KIAA1328: variants seen among roughly 807,000 people sequenced by gnomAD.
KIAA1328 encodes the protein protein hinderin.
KIAA1328 carries 52 observed loss-of-function variants against 68.1 expected under a neutral mutation model. The ratio of observed to expected loss-of-function variants is 0.76; its 90% CI spans 0.61 to 0.96. The LOEUF is 0.96. KIAA1328 is among the 40% of genes least tolerant of loss of function. The pLI is 0.00. For synonymous variants in KIAA1328, 232 were observed against 239.4 expected, an observed-to-expected ratio of 0.97 and a Z score of 0.28; for missense variants, 641 against 677.6, an observed-to-expected ratio of 0.95 and a Z score of 0.60.
intron 6 of KIAA1328, among the ~76,000 whole-genome samples, chr18:36,964,887 ACTT>A (rs970412288): frequency 6.8e-6 from 1 of 146,890 alleles, no homozygotes; most frequent in Admixed American, 6.9e-5. Context: ...GGAGTGTGTT[ACTT>A]CTTTTTTTTT....
At chr18:36,835,436 A>G (rs2046642219) in intron 3 of KIAA1328, 60 bp downstream of exon 3, 2 of 1,469,452 alleles carry the variant, frequency 1.4e-6, no homozygotes, top group Non-Finnish European at 1.8e-6. Context: ...GTGCTGACCA[A>G]AAAGGGTAGA....
chr18:36,944,708 C>G (rs542928232), intron 5 of KIAA1328, among the ~76,000 whole-genome samples: 1 of 152,208 alleles, frequency 6.6e-6, no homozygotes, highest in East Asian at 1.9e-4. Context: ...AAGGAGCAAT[C>G]AGTAAGGAAG....
intron 9 of KIAA1328, among the ~76,000 whole-genome samples, chr18:37,221,614 G>A (rs563178080): frequency 2.1e-4 from 32 of 152,298 alleles, no homozygotes; most frequent in Admixed American, 3.3e-4. Flanking sequence ...ATGGAGATGA[G>A]AGTAGTATAG....
chr18:37,199,339 C>T (rs2060063957), intron 9 of KIAA1328, among the ~76,000 whole-genome samples: 1 of 152,170 alleles, frequency 6.6e-6, no homozygotes, highest in East Asian at 1.9e-4. Context: ...CAAGTGAGAA[C>T]ATGAAGAATT....
chr18:36,973,882 G>A lies in KIAA1328; in HGVS notation c.576+14447G>A, dbSNP rs1021870718. On this transcript the variant is annotated intron_variant, in intron 6 of 9. Coordinates refer to ENST00000280020, the MANE Select transcript of KIAA1328 (RefSeq NM_020776.3). ...ATCTTCAAAAATTCTATTTTTCAGT[G>A]TAATCTAGACCTTAATACCTGGTTA... Among the ~76,000 whole-genome samples, 4 of 148,492 alleles carry A rather than the reference G, an allele frequency of 2.7e-5. No individual in the cohort carries two copies. The East Asian group carries it at 5.9e-4, about 22-fold the overall frequency.
intron 4 of KIAA1328, among the ~76,000 whole-genome samples, chr18:36,844,870 T>G (rs921037424): frequency 6.6e-6 from 1 of 151,782 alleles, no homozygotes; most frequent in Non-Finnish European, 1.5e-5. Context: ...AGGTACTTAA[T>G]AAATGAAAGT....
intron 7 of KIAA1328, among the ~76,000 whole-genome samples, chr18:37,126,174 G>T (rs1226922158): frequency 1.3e-5 from 2 of 152,092 alleles, no homozygotes; most frequent in Admixed American, 1.3e-4. Context: ...TGTATATAAG[G>T]TATATGTGAA....
At position 37,142,252 on chromosome 18, in the gene KIAA1328, C is replaced by T. The variant is rs866016535; in HGVS notation, c.1233-17948C>T. Among the ~76,000 whole-genome samples, 35 of 152,158 alleles carry T rather than the reference C, an allele frequency of 2.3e-4. No homozygotes were observed. The Middle Eastern group carries it at 0.017, about 74-fold the overall frequency. On this transcript the variant is annotated intron_variant, in intron 7 of 9. Transcript: ENST00000280020. The stretch of plus-strand genomic sequence containing the variant: ...CGTCACCCAGGCCGGATTGCAGTGG[C>T]GTGATCTTGGCTTACTGCATCCTCC...
chr18:36,952,802 T>G (rs1309177039), intron 5 of KIAA1328, among the ~76,000 whole-genome samples: 1 of 152,110 alleles, frequency 6.6e-6, no homozygotes, highest in Non-Finnish European at 1.5e-5. Context: ...GGTTAGTATA[T>G]GATCAGATCA....
rs191393105 is a variant in KIAA1328, at chr18:36,858,659, C to G, written c.332+14357C>G. 2.0e-5 allele frequency among the ~76,000 whole-genome samples: 3 copies of G among 152,194 alleles called. No homozygotes were observed. The East Asian group carries it at 5.8e-4, about 29-fold the overall frequency. ...ATCTTCCCCAATATATATAGCTTTCCTTGTTTTTCATGACCTTGACACTTT... is the reference window on the plus strand; with the variant it reads ...ATCTTCCCCAATATATATAGCTTTCGTTGTTTTTCATGACCTTGACACTTT... On this transcript the variant is annotated intron_variant, in intron 4 of 9. Coordinates refer to ENST00000280020, the MANE Select transcript of KIAA1328 (RefSeq NM_020776.3).
chr18:37,115,119 A>C (rs1160630060), intron 7 of KIAA1328, among the ~76,000 whole-genome samples: 1 of 152,194 alleles, frequency 6.6e-6, no homozygotes, highest in Non-Finnish European at 1.5e-5. Context: ...TTCTGAAACT[A>C]TTCCAATTAA....
intron 9 of KIAA1328, among the ~76,000 whole-genome samples, chr18:37,200,239 G>A (rs2060082891): frequency 6.6e-6 from 1 of 152,224 alleles, no homozygotes; most frequent in African/African-American, 2.4e-5. Context: ...TTACCAGAAG[G>A]TTTTTAAAGG....
chr18:36,994,641 G>T (rs991557741), intron 6 of KIAA1328, among the ~76,000 whole-genome samples: 18 of 152,100 alleles, frequency 1.2e-4, no homozygotes, highest in African/African-American at 4.1e-4. Flanking sequence ...GAAAAACTGT[G>T]ATCTGTTTAA....
chr18:37,116,090 G>A (rs2058098000), intron 7 of KIAA1328, among the ~76,000 whole-genome samples: 1 of 152,048 alleles, frequency 6.6e-6, no homozygotes, highest in South Asian at 2.1e-4. Flanking sequence ...ACTGCCCAAG[G>A]CAATTTATAG....
chr18:37,063,735 A>G (rs1383326934), intron 6 of KIAA1328: 9 of 890,012 alleles, frequency 1.0e-5, no homozygotes, highest in Non-Finnish European at 9.4e-6. Context: ...AAATTTTTTA[A>G]TTTATTCCAA....
At chr18:36,832,748 C>T (rs1256772263) in intron 1 of KIAA1328, 1 of 151,038 alleles carries the variant, frequency 6.6e-6, no homozygotes, top group South Asian at 2.1e-4. Flanking sequence ...CAACACTGAA[C>T]AAAATAAAAC....
intron 3 of KIAA1328, among the ~76,000 whole-genome samples, chr18:36,842,012 C>T (rs558778940): frequency 7.3e-5 from 11 of 150,920 alleles, no homozygotes; most frequent in South Asian, 6.4e-4. Context: ...TTCACCGTCT[C>T]GGGGTTTAGT....
intron 6 of KIAA1328, among the ~76,000 whole-genome samples, chr18:36,967,965 A>T (rs2052012870): frequency 1.3e-5 from 2 of 152,222 alleles, no homozygotes; most frequent in African/African-American, 4.8e-5. Flanking sequence ...ACTCATTGGC[A>T]TCTTTGAAAT....
At chr18:37,094,739 C>T (rs955175691) in intron 7 of KIAA1328, among the ~76,000 whole-genome samples, 3 of 152,102 alleles carry the variant, frequency 2.0e-5, no homozygotes, top group African/African-American at 4.8e-5. Context: ...TCATTAACAA[C>T]TGTTAATGTA....
Sources: allele counts gnomAD v4.1 joint callset (sites outside exome capture counted in the v4.1 genomes callset), GRCh38; gene constraint gnomAD v4.1.1; transcripts MANE v1.5; gene names NCBI Gene and HGNC (gene_info 2026-07-23, HGNC 2026-07-21).